Variants in TMED3 observed in about 807,000 individuals in gnomAD.
The protein encoded by TMED3 is transmembrane p24 trafficking protein 3, also known as transmembrane emp24 domain-containing protein 3.
TMED3 carries 9 observed loss-of-function variants against 15.0 expected under a neutral mutation model. That is an observed-to-expected ratio of 0.60 (90% CI 0.36 to 1.04). The LOEUF (loss-of-function observed/expected upper bound fraction) is 1.04, where lower values mean the gene tolerates loss of function less well. Ranked by LOEUF, TMED3 falls within the 50% of genes least tolerant of loss-of-function variation. The probability of loss-of-function intolerance (pLI) is 0.01; values close to 1 mark genes in which losing one functional copy is unlikely to be tolerated. For synonymous variants in TMED3, 117 were observed against 121.4 expected, an observed-to-expected ratio of 0.96 and a Z score of 0.24; for missense variants, 267 against 278.9, an observed-to-expected ratio of 0.96 and a Z score of 0.30.
intron 2 of TMED3, among the ~76,000 whole-genome samples, chr15:79,398,829 GA>G (rs1189556684): frequency 2.0e-5 from 3 of 152,084 alleles, no homozygotes; most frequent in African/African-American, 7.2e-5. Context: ...ATCACAAGCT[GA>G]TGGAATTAGG....
chr15:79,324,406 A>G (rs569630644), downstream of TMED3, among the ~76,000 whole-genome samples: 69 of 152,336 alleles, frequency 4.5e-4, no homozygotes, highest in African/African-American at 1.5e-3. Context: ...ATAATTTCAA[A>G]CAGAGTAATA....
At chr15:79,389,872 TGATTC>T (rs1287535272) in intron 2 of TMED3, among the ~76,000 whole-genome samples, 1 of 152,144 alleles carries the variant, frequency 6.6e-6, no homozygotes, top group African/African-American at 2.4e-5. Context: ...GTTGAGTTCT[TGATTC>T]GATTCTCCAC....
At chr15:79,314,452 C>G in intron 2 of TMED3, 3 of 433,770 alleles carry the variant, frequency 6.9e-6, no homozygotes, top group Non-Finnish European at 1.4e-5. Context: ...CATGCATAAT[C>G]TAGAAAAGGT....
At position 79,322,257 on chromosome 15, in the gene TMED3, G is replaced by T; in HGVS notation, c.*43G>T. On this transcript the variant is annotated 3_prime_UTR_variant, in exon 3 of 3. Transcript: ENST00000299705. ...AGGGCCCCTCATGCCCCAGGCTGGA[G>T]CAGCTCTCCTAGGTCACAGCCTGCT... The T allele has an allele frequency of 6.3e-7, 1 of 1,585,636 alleles. No individual in the cohort carries two copies.
At chr15:79,405,672 T>G (rs1435673530) in intron 2 of TMED3, among the ~76,000 whole-genome samples, 1 of 152,230 alleles carries the variant, frequency 6.6e-6, no homozygotes, top group Non-Finnish European at 1.5e-5. Flanking sequence ...TCTCCAATAT[T>G]CTGGCAGTAT....
intron 2 of TMED3, among the ~76,000 whole-genome samples, chr15:79,404,241 A>C (rs1231023028): frequency 6.6e-6 from 1 of 152,190 alleles, no homozygotes; most frequent in East Asian, 1.9e-4. Flanking sequence ...TGTTAGGTGG[A>C]GGGGCCTATT....
At chr15:79,377,937 C>T (rs548514688) in intron 2 of TMED3, among the ~76,000 whole-genome samples, 22 of 152,340 alleles carry the variant, frequency 1.4e-4, no homozygotes, top group Non-Finnish European at 2.5e-4. Context: ...TGAGCCACCG[C>T]GCCCGGCTGA....
chr15:79,373,586 T>G (rs751540777), intron 2 of TMED3, among the ~76,000 whole-genome samples: 1 of 152,204 alleles, frequency 6.6e-6, no homozygotes, highest in Non-Finnish European at 1.5e-5. Context: ...TTGGGTTTCA[T>G]GGTCTATATA....
chr15:79,365,309 G>T (rs1277602540), intron 2 of TMED3, among the ~76,000 whole-genome samples: 3 of 152,230 alleles, frequency 2.0e-5, no homozygotes, highest in Non-Finnish European at 4.4e-5. Context: ...AAGACTTGGG[G>T]TCAGCAGAAA....
chr15:79,323,728 A>G (rs1388450214), downstream of TMED3, among the ~76,000 whole-genome samples: 2 of 152,186 alleles, frequency 1.3e-5, no homozygotes, highest in Non-Finnish European at 2.9e-5. Flanking sequence ...AGCTTTACTA[A>G]AACTCACGTT....
At chr15:79,368,981 G>A (rs1379790328) in intron 2 of TMED3, among the ~76,000 whole-genome samples, 1 of 151,644 alleles carries the variant, frequency 6.6e-6, no homozygotes. Flanking sequence ...TGTAATCCCC[G>A]CTACTCGAGA....
chr15:79,312,140 A>G (rs1184214718), intron 1 of TMED3, among the ~76,000 whole-genome samples: 1 of 152,200 alleles, frequency 6.6e-6, no homozygotes, highest in Non-Finnish European at 1.5e-5. Context: ...CCAAGTGGGC[A>G]TCATACTCAG....
chr15:79,321,375 T>A (rs2141217635), intron 2 of TMED3, among the ~76,000 whole-genome samples: 1 of 152,372 alleles, frequency 6.6e-6, no homozygotes, highest in Middle Eastern at 3.4e-3. Flanking sequence ...TGAGCGTATG[T>A]GTCTATGTAG....
At chr15:79,401,717 C>A (rs1028108153) in intron 2 of TMED3, among the ~76,000 whole-genome samples, 2 of 152,112 alleles carry the variant, frequency 1.3e-5, no homozygotes, top group Non-Finnish European at 2.9e-5. Flanking sequence ...CTCTGAGTGC[C>A]AGTAACTGCA....
chr15:79,323,033 C>T (rs147792726), downstream of TMED3, among the ~76,000 whole-genome samples: 481 of 152,280 alleles, frequency 3.2e-3, 4 homozygotes, highest in African/African-American at 0.011. Context: ...GAAGTCTCCT[C>T]GCATGCTCAC....
chr15:79,350,714 C>T (rs2058888399), intron 2 of TMED3, among the ~76,000 whole-genome samples: 1 of 152,174 alleles, frequency 6.6e-6, no homozygotes, highest in Admixed American at 6.5e-5. Flanking sequence ...AGGAACAATA[C>T]TTTGCACCCT....
chr15:79,376,092 GTTT>G (rs199728545), intron 2 of TMED3, among the ~76,000 whole-genome samples: 2 of 112,060 alleles, frequency 1.8e-5, no homozygotes, highest in African/African-American at 7.3e-5. Context: ...CTAGAGAAAG[GTTT>G]TTTTTTTTTT....
chr15:79,404,533 G>T (rs56111405), intron 2 of TMED3, among the ~76,000 whole-genome samples: 3 of 48,608 alleles, frequency 6.2e-5, no homozygotes, highest in East Asian at 1.5e-3. Context: ...TTCCTTTGCC[G>T]TGCATATTCT....
At chr15:79,363,409 A>G (rs1473035062) in intron 2 of TMED3, among the ~76,000 whole-genome samples, 3 of 151,880 alleles carry the variant, frequency 2.0e-5, no homozygotes, top group Non-Finnish European at 4.4e-5. Flanking sequence ...ATCCTTGCAT[A>G]CTGTATCACA....
Sources: allele counts gnomAD v4.1 joint callset (sites outside exome capture counted in the v4.1 genomes callset), GRCh38; gene constraint gnomAD v4.1.1; transcripts MANE v1.5; gene names NCBI Gene and HGNC (gene_info 2026-07-23, HGNC 2026-07-21).